EFHC1: variants seen among roughly 807,000 people sequenced by gnomAD.
EFHC1 encodes the protein EF-hand domain containing 1, also known as EF-hand domain-containing protein 1.
In EFHC1, 53 loss-of-function variants were observed where a neutral mutation model predicts 69.9. The ratio of observed to expected loss-of-function variants is 0.76; its 90% CI spans 0.61 to 0.95. EFHC1 has a LOEUF of 0.95. EFHC1 is among the 40% of genes least tolerant of loss of function. EFHC1 has a pLI of 0.00. For missense variants in EFHC1, 739 were observed against 798.7 expected (o/e 0.93, Z 0.90); for synonymous variants, 256 against 278.4 (o/e 0.92, Z 0.80).
At chr6:52,484,792 C>A (rs1043717466) in intron 9 of EFHC1, among the ~76,000 whole-genome samples, 1 of 151,892 alleles carries the variant, frequency 6.6e-6, no homozygotes, top group African/African-American at 2.4e-5. Context: ...TATTGGGAGG[C>A]CTTGTGATTG....
At chr6:52,478,375 T>G (rs1380256191) in intron 7 of EFHC1, among the ~76,000 whole-genome samples, 1 of 152,082 alleles carries the variant, frequency 6.6e-6, no homozygotes, top group Admixed American at 6.5e-5. Flanking sequence ...TGTATACATA[T>G]GTAACTAACC....
intron 2 of EFHC1, among the ~76,000 whole-genome samples, chr6:52,434,388 G>A (rs1000962313): frequency 1.3e-5 from 2 of 152,078 alleles, no homozygotes; most frequent in South Asian, 2.1e-4. Flanking sequence ...TATTTCACTC[G>A]CCTCTCTGAA....
intron 2 of EFHC1, among the ~76,000 whole-genome samples, 164 bp downstream of exon 2, chr6:52,424,331 G>A (rs1764258783): frequency 6.6e-6 from 1 of 152,170 alleles, no homozygotes; most frequent in African/African-American, 2.4e-5. Context: ...AGGCTAAAAA[G>A]AGGCTTTCTT....
intron 7 of EFHC1, among the ~76,000 whole-genome samples, chr6:52,470,731 G>A (rs1765419039): frequency 6.6e-6 from 1 of 152,174 alleles, no homozygotes; most frequent in South Asian, 2.1e-4. Flanking sequence ...CTATGAGTCT[G>A]TAAACTGCAA....
intron 4 of EFHC1, chr6:52,453,085 T>G: frequency 6.8e-7 from 1 of 1,475,638 alleles, no homozygotes. Context: ...CACCAAACAT[T>G]TAAATCTCAA....
rs556524801 is a variant in EFHC1 at position 52,456,101 on chromosome 6, G to A, written c.916+1814G>A. Among the ~76,000 whole-genome samples, 3 of 152,244 alleles carry A rather than the reference G, an allele frequency of 2.0e-5. No individual in the cohort carries two copies. In the East Asian group the frequency reaches 5.8e-4, roughly 29 times the overall value. The stretch of plus-strand genomic sequence containing the variant: ...AATGAGATTGGGGAAAAGGATAAAA[G>A]GGAGTGAAAATTGTCATCATTTTAG... On this transcript the variant is annotated intron_variant, in intron 5 of 10. Coordinates refer to ENST00000371068, the MANE Select transcript of EFHC1 (RefSeq NM_018100.4).
chr6:52,445,098 G>A (rs1261445838), intron 3 of EFHC1, among the ~76,000 whole-genome samples: 1 of 150,632 alleles, frequency 6.6e-6, no homozygotes, highest in African/African-American at 2.4e-5. Context: ...GGTGTTTATA[G>A]TATTTTCTGA....
At chr6:52,447,987 G>A (rs887057819) in intron 3 of EFHC1, among the ~76,000 whole-genome samples, 2 of 152,224 alleles carry the variant, frequency 1.3e-5, no homozygotes, top group African/African-American at 4.8e-5. Flanking sequence ...CCCCTACTGG[G>A]AGGTGTCTCC....
chr6:52,437,940 A>T (rs1325745004), intron 2 of EFHC1, among the ~76,000 whole-genome samples: 2 of 152,190 alleles, frequency 1.3e-5, no homozygotes, highest in African/African-American at 4.8e-5. Flanking sequence ...CTTCCCTTGT[A>T]ATGGGAGAGC....
chr6:52,466,953 A>G (rs1178321641), intron 6 of EFHC1, among the ~76,000 whole-genome samples: 1 of 152,054 alleles, frequency 6.6e-6, no homozygotes, highest in Non-Finnish European at 1.5e-5. Flanking sequence ...TCCTGGTGTA[A>G]TGCATTGTGA....
At chr6:52,446,662 T>C (rs977736839) in intron 3 of EFHC1, among the ~76,000 whole-genome samples, 1 of 152,200 alleles carries the variant, frequency 6.6e-6, no homozygotes, top group African/African-American at 2.4e-5. Context: ...GCATTGATGG[T>C]TTTTACAATT....
intron 7 of EFHC1, among the ~76,000 whole-genome samples, chr6:52,473,046 T>C (rs1249798534): frequency 6.6e-6 from 1 of 152,206 alleles, no homozygotes; most frequent in African/African-American, 2.4e-5. Context: ...AAATTGATTC[T>C]ATAATTTAAG....
intron 3 of EFHC1, among the ~76,000 whole-genome samples, chr6:52,450,702 C>T (rs765922509): frequency 2.0e-5 from 3 of 152,018 alleles, no homozygotes; most frequent in African/African-American, 7.2e-5. Context: ...GGTGTCATTG[C>T]GTGTGAGATA....
chr6:52,452,496 C>T (rs1764936343), intron 3 of EFHC1, among the ~76,000 whole-genome samples, 192 bp from the exon 4 acceptor site: 1 of 152,104 alleles, frequency 6.6e-6, no homozygotes, highest in African/African-American at 2.4e-5. Flanking sequence ...GAAACAGGGT[C>T]TCACTATGTT....
intron 5 of EFHC1, 89 bp downstream of exon 5, chr6:52,454,376 A>G (rs979978996): frequency 1.3e-6 from 2 of 1,522,780 alleles, no homozygotes; most frequent in Non-Finnish European, 1.8e-6. Context: ...ATTCGTTTAT[A>G]CTTGGAAGCC....
At chr6:52,456,561 A>T (rs527298788) in intron 5 of EFHC1, among the ~76,000 whole-genome samples, 5 of 152,316 alleles carry the variant, frequency 3.3e-5, no homozygotes, top group African/African-American at 4.8e-5. Flanking sequence ...CCAATTAAAA[A>T]TTTTTTATCA....
At chr6:52,444,828 C>CT (rs1050612758) in intron 3 of EFHC1, among the ~76,000 whole-genome samples, 3 of 152,292 alleles carry the variant, frequency 2.0e-5, no homozygotes, top group African/African-American at 7.2e-5. Context: ...AGGATTCCCT[C>CT]TTTTTCTATT....
chr6:52,464,768 C>T, intron 5 of EFHC1, 127 bp from the exon 6 acceptor site: 1 of 753,120 alleles, frequency 1.3e-6, no homozygotes, highest in Non-Finnish European at 2.3e-6. Flanking sequence ...TGGGGAGACC[C>T]TGACTCTTGA....
intron 6 of EFHC1, 163 bp from the exon 7 acceptor site, chr6:52,469,170 G>A (rs1765378496): frequency 4.7e-6 from 4 of 856,812 alleles, no homozygotes; most frequent in South Asian, 1.7e-5. Context: ...CACAGAGGAA[G>A]GGGATAAGTG....
Sources: allele counts gnomAD v4.1 joint callset (sites outside exome capture counted in the v4.1 genomes callset), GRCh38; gene constraint gnomAD v4.1.1; transcripts MANE v1.5; gene names NCBI Gene and HGNC (gene_info 2026-07-23, HGNC 2026-07-21).